The following SERPINB9 variants were observed in gnomAD, a reference collection of about 807,000 sequenced individuals.
SERPINB9 encodes the protein serpin family B member 9.
Under a neutral mutation model 27.2 loss-of-function variants are expected in SERPINB9, and 20 were observed. That is an observed-to-expected ratio of 0.74 (90% CI 0.52 to 1.07). The LOEUF (loss-of-function observed/expected upper bound fraction) is 1.07, where lower values mean the gene tolerates loss of function less well. SERPINB9 is among the 50% of genes least tolerant of loss of function. SERPINB9 has a pLI of 0.00. For synonymous variants in SERPINB9, 189 were observed against 180.0 expected, an observed-to-expected ratio of 1.05 and a Z score of -0.40; for missense variants, 476 against 460.1, an observed-to-expected ratio of 1.03 and a Z score of -0.32.
At chr6:2,898,633 C>T (rs1409320675) in intron 2 of SERPINB9, among the ~76,000 whole-genome samples, 1 of 152,066 alleles carries the variant, frequency 6.6e-6, no homozygotes, top group African/African-American at 2.4e-5. Flanking sequence ...CTGACTAACA[C>T]AGTGAAACCC....
intron 1 of SERPINB9, among the ~76,000 whole-genome samples, chr6:2,900,885 T>TCTCTCTCACACACACA (rs61100591): frequency 1.0e-3 from 146 of 141,574 alleles, no homozygotes; most frequent in Middle Eastern, 3.6e-3. Flanking sequence ...GCTCGCTCTC[T>TCTCTCTCACACACACA]CACACACACA....
At chr6:2,902,346 C>G (rs577228597) in intron 1 of SERPINB9, among the ~76,000 whole-genome samples, 1 of 151,854 alleles carries the variant, frequency 6.6e-6, no homozygotes, top group Non-Finnish European at 1.5e-5. Flanking sequence ...CTGGTGGTCC[C>G]CACAGACCGC....
rs116210820 is a variant in SERPINB9 at position 2,903,275 on chromosome 6, A to C, written c.-85T>G. On this transcript the variant is annotated 5_prime_UTR_variant, in exon 1 of 7. Transcript: ENST00000380698. This position sits in a 1 kb window ranked among gnomAD's most constrained non-coding sequence, Gnocchi z 5.2. Reference sequence around the variant, plus strand: ...TGGACGCCGACCCCCGAGGCGCAGGACCCGGCCCTGCTGCTGCGCTCGCCG... The same window carrying C: ...TGGACGCCGACCCCCGAGGCGCAGGCCCCGGCCCTGCTGCTGCGCTCGCCG... The C allele has an allele frequency of 6.6e-6, 1 of 152,054 alleles. No individual in the cohort carries two copies. Among genetic ancestry groups the C allele is most frequent in the African/African-American group, 2.4e-5 (1 of 41,396 alleles). The allele number at this position is 152,054 out of a possible 1,614,324, so 9.4% of individuals were successfully genotyped here.
intron 1 of SERPINB9, among the ~76,000 whole-genome samples, chr6:2,900,885 T>TCACACACACACACA (rs5742054): frequency 8.2e-4 from 116 of 141,474 alleles, no homozygotes; most frequent in Middle Eastern, 3.3e-3. Context: ...GCTCGCTCTC[T>TCACACACACACACA]CACACACACA....
At chr6:2,895,309 A>G (rs1741388508) in intron 4 of SERPINB9, 82 bp downstream of exon 4, 5 of 845,374 alleles carry the variant, frequency 5.9e-6, no homozygotes, top group Non-Finnish European at 6.0e-6. Flanking sequence ...GAGAGAGGAT[A>G]TAAGAGGCGG....
chr6:2,897,606 C>T (rs1193181039), intron 2 of SERPINB9, among the ~76,000 whole-genome samples: 1 of 151,892 alleles, frequency 6.6e-6, no homozygotes, highest in East Asian at 1.9e-4. Flanking sequence ...TTCAATATTA[C>T]CAAGAAAGTA....
rs1285617118 is a variant in SERPINB9 at position 2,894,673 on chromosome 6, A to C, written c.424+718T>G. Among the ~76,000 whole-genome samples the C allele has an allele frequency of 6.6e-6, 1 of 152,248 alleles. No homozygotes were observed. The highest frequency in any genetic ancestry group is 1.5e-5 in the Non-Finnish European group (1 of 68,038). ...CTCGCAGAGACAATGGAGTCACCTG[A>C]CATGTGAATGTTACAGGCCAGGGAG... is the stretch of plus-strand genomic sequence containing the variant. On this transcript the variant is annotated intron_variant, in intron 4 of 6. Transcript: ENST00000380698. This position sits in a 1 kb window ranked among gnomAD's most constrained non-coding sequence, Gnocchi z 4.7.
At position 2,893,024 on chromosome 6, in the gene SERPINB9, T is replaced by C. The variant is rs184032498; in HGVS notation, c.567+387A>G. ...CCTCTACCCTGCCCTATACTGCCTC[T>C]CACTCCCACATATCACACTACCTTA... On this transcript the variant is annotated intron_variant, in intron 5 of 6. Coordinates refer to ENST00000380698, the MANE Select transcript of SERPINB9 (RefSeq NM_004155.6). Among the ~76,000 whole-genome samples the C allele has an allele frequency of 2.7e-5, 4 of 145,982 alleles. No individual in the cohort carries two copies. The East Asian group carries it at 8.0e-4, about 29-fold the overall frequency.
rs148228097 is a variant in SERPINB9, at chr6:2,896,274, G to A, written c.169-84C>T. Reference sequence around the variant, plus strand: ...GAGAGAGAGGGGACAGAAAACAGGCGAGTAAAAGATGTAGCCATTCTGCCT... The same window carrying A: ...GAGAGAGAGGGGACAGAAAACAGGCAAGTAAAAGATGTAGCCATTCTGCCT... On this transcript the variant is annotated intron_variant, in intron 2 of 6. Coordinates refer to ENST00000380698, the MANE Select transcript of SERPINB9 (RefSeq NM_004155.6). The A allele has an allele frequency of 2.8e-4, 361 of 1,287,092 alleles. 1 individual carries two copies. In the East Asian group the frequency reaches 4.6e-3, roughly 16 times the overall value. 79.7% of individuals were successfully genotyped at this position (1,287,092 alleles called of 1,614,324 possible). A position where few individuals can be genotyped will look rare whatever the true frequency, so the allele number is the denominator to read the frequency against.
intron 2 of SERPINB9, among the ~76,000 whole-genome samples, chr6:2,898,503 A>G (rs1453970633): frequency 3.3e-5 from 5 of 152,230 alleles, no homozygotes; most frequent in Non-Finnish European, 7.3e-5. Flanking sequence ...TAATCACCAA[A>G]GTACAAAATG....
intron 1 of SERPINB9, among the ~76,000 whole-genome samples, chr6:2,900,885 T>TCTCTCTCTCACACACACACA (rs61100591): frequency 3.5e-4 from 50 of 141,574 alleles, no homozygotes; most frequent in African/African-American, 1.3e-3. Flanking sequence ...GCTCGCTCTC[T>TCTCTCTCTCACACACACACA]CACACACACA....
In SERPINB9 at chr6:2,900,596, T is replaced by C; in HGVS notation, c.16A>G (p.Asn6Asp). The C allele has an allele frequency of 6.2e-7, 1 of 1,614,094 alleles. No homozygotes were observed. The stretch of plus-strand genomic sequence containing the variant: ...CGTATGGCAAAAGTACCACTTGCAT[T>C]AGAAAGAGTTTCCATGATGCAGGGC... METLSNASGTFAIRLL... is the reference protein window; with the variant it reads METLSDASGTFAIRLL... Residue 6 changes from asparagine to aspartate, a missense_variant, in exon 2 of 7, where the codon AAT (asparagine) becomes GAT (aspartate). Coordinates refer to ENST00000380698, the MANE Select transcript of SERPINB9 (RefSeq NM_004155.6).
intron 1 of SERPINB9, among the ~76,000 whole-genome samples, chr6:2,902,373 C>G (rs3799228): frequency 0.14 from 21,067 of 152,222 alleles, 1,644 homozygotes; most frequent in African/African-American, 0.21. Context: ...TGCAGGCGAG[C>G]GCTGAGCCTG....
rs909369456 is a variant in SERPINB9, at chr6:2,891,349, A to T, written c.723+484T>A. Among the ~76,000 whole-genome samples, 1 of 152,246 alleles carries T rather than the reference A, an allele frequency of 6.6e-6. No individual in the cohort carries two copies. The highest frequency in any genetic ancestry group is 2.4e-5 in the African/African-American group (1 of 41,470). ...TCTCTATTTCAGGTTCCTAGACTTT[A>T]AAAGCATAATGCTAAGAATGATGAT... On this transcript the variant is annotated intron_variant, in intron 6 of 6. Coordinates refer to ENST00000380698, the MANE Select transcript of SERPINB9 (RefSeq NM_004155.6). The surrounding 1 kb of genome is among the most constrained non-coding windows in gnomAD (Gnocchi z 4.0).
rs1226203463 is a variant in SERPINB9 at position 2,894,931 on chromosome 6, GA to G, written c.424+459del. ...GGCTAATTTTTGTATTTTTAGTAGA[GA>G]TGTTGGGCGGGGGGGGGTCCCACCA... On this transcript the variant is annotated intron_variant, in intron 4 of 6. Coordinates refer to ENST00000380698, the MANE Select transcript of SERPINB9 (RefSeq NM_004155.6). The surrounding 1 kb of genome is among the most constrained non-coding windows in gnomAD (Gnocchi z 4.7). 9.7e-6 allele frequency among the ~76,000 whole-genome samples: 1 copy of G among 103,004 alleles called. No individual in the cohort carries two copies. Among genetic ancestry groups the G allele is most frequent in the Admixed American group, 1.0e-4 (1 of 10,006 alleles). The allele number at this position is 103,004 out of a possible 152,430, so 67.6% of individuals were successfully genotyped here. A position where few individuals can be genotyped will look rare whatever the true frequency, so the allele number is the denominator to read the frequency against.
In SERPINB9 at chr6:2,901,976, T is replaced by C. The variant is rs557796196; in HGVS notation, c.-11+1225A>G. Among the ~76,000 whole-genome samples, 13 of 152,044 alleles carry C rather than the reference T, an allele frequency of 8.6e-5. 1 individual carries two copies. Among genetic ancestry groups the C allele is most frequent in the African/African-American group, 3.1e-4 (13 of 41,446 alleles). On this transcript the variant is annotated intron_variant, in intron 1 of 6. Coordinates refer to ENST00000380698, the MANE Select transcript of SERPINB9 (RefSeq NM_004155.6). Reference sequence around the variant, plus strand: ...CCACACGGCACCTCAGAAAGCGGTGTCTTAATCCTCTTGTCCTTCCTCCTA... The same window carrying C: ...CCACACGGCACCTCAGAAAGCGGTGCCTTAATCCTCTTGTCCTTCCTCCTA...
At position 2,896,200 on chromosome 6, in the gene SERPINB9, A is replaced by C; in HGVS notation, c.169-10T>G. 6.2e-7 allele frequency: 1 copy of C among 1,611,666 alleles called. No homozygotes were observed. The highest frequency in any genetic ancestry group is 8.5e-7 in the Non-Finnish European group (1 of 1,179,260). The stretch of plus-strand genomic sequence containing the variant: ...TGTTTAAAGACAGTGCCTGTTGTGA[A>C]AGATAATTTTAAAAGTTATCAAGAT... On this transcript the variant is annotated splice_polypyrimidine_tract_variant and intron_variant, in intron 2 of 6. Coordinates refer to ENST00000380698, the MANE Select transcript of SERPINB9 (RefSeq NM_004155.6).
intron 1 of SERPINB9, among the ~76,000 whole-genome samples, chr6:2,901,199 A>G (rs939440989): frequency 6.6e-6 from 1 of 152,178 alleles, no homozygotes; most frequent in Admixed American, 6.5e-5. Context: ...GCCGGGGTGG[A>G]GCCAGGCTGC....
At chr6:2,895,936 G>A (rs533637243) in intron 3 of SERPINB9, 117 bp downstream of exon 3, 2 of 1,126,272 alleles carry the variant, frequency 1.8e-6, no homozygotes, top group Non-Finnish European at 2.5e-6. Context: ...AAAAAATAGT[G>A]CAATTTTTTT....
Sources: gnomAD v4.1 joint callset for allele counts (sites outside exome capture counted in the v4.1 genomes callset) on GRCh38, gnomAD v4.1.1 for gene constraint, Gnocchi (gnomAD v3.1) non-coding constraint, MANE v1.5 for transcripts, NCBI Gene and HGNC (gene_info 2026-07-23, HGNC 2026-07-21) for gene names.